The following RSF1 variants were observed in gnomAD, a reference collection of about 807,000 sequenced individuals.
The protein encoded by RSF1 is remodeling and spacing factor 1, also known as HBV pX-associated protein 8.
In RSF1, 13 loss-of-function variants were observed where a neutral mutation model predicts 145.2. The observed-to-expected ratio is 0.09, with a 90% CI of 0.06 to 0.14. The LOEUF (loss-of-function observed/expected upper bound fraction) is 0.14. RSF1 is among the 10% of genes least tolerant of loss of function. The probability of loss-of-function intolerance (pLI) is 1.00; values close to 1 mark genes in which losing one functional copy is unlikely to be tolerated. For synonymous variants in RSF1, 577 were observed against 592.6 expected, an observed-to-expected ratio of 0.97 and a Z score of 0.38; for missense variants, 1,517 against 1,718.2, an observed-to-expected ratio of 0.88 and a Z score of 2.07.
chr11:77,732,099 G>GGGC (rs1346411206), intron 4 of RSF1, among the ~76,000 whole-genome samples: 2 of 152,174 alleles, frequency 1.3e-5, no homozygotes, highest in Non-Finnish European at 2.9e-5. Flanking sequence ...GGCTGTACAG[G>GGGC]GGCGCAGCTG....
intron 1 of RSF1, among the ~76,000 whole-genome samples, chr11:77,812,121 G>A (rs1488716327): frequency 2.0e-5 from 3 of 152,158 alleles, no homozygotes; most frequent in African/African-American, 7.2e-5. Context: ...AGAGGTTGCA[G>A]TCAGCAGAGA....
intron 3 of RSF1, among the ~76,000 whole-genome samples, chr11:77,741,501 G>T (rs994719052): frequency 3.3e-5 from 5 of 151,910 alleles, no homozygotes; most frequent in African/African-American, 4.8e-5. Flanking sequence ...TCTGGCTTGG[G>T]CAACAGAGCA....
Position 77,788,499 on chromosome 11 carries a change from A to T in RSF1, c.188-23810T>A, listed in dbSNP as rs888497256. 9.6e-3 allele frequency among the ~76,000 whole-genome samples: 186 copies of T among 19,286 alleles called. 7 individuals are homozygous for T. The South Asian group carries it at 0.34, about 36-fold the overall frequency. The allele number at this position is 19,286 out of a possible 152,430, so 12.7% of individuals were successfully genotyped here. On this transcript the variant is annotated intron_variant, in intron 1 of 15. Coordinates refer to ENST00000308488, the MANE Select transcript of RSF1 (RefSeq NM_016578.4). ...GATAAAAGGTAGAGAAGACAGGTTA[A>T]AAAAAAAAAAAAAAAGACTAGCGAA...
chr11:77,770,763 A>G (rs149812497), intron 1 of RSF1, among the ~76,000 whole-genome samples: 2 of 152,332 alleles, frequency 1.3e-5, no homozygotes, highest in Admixed American at 6.5e-5. Flanking sequence ...TGAGGTGGTG[A>G]TAAGACCAGC....
At chr11:77,858,859 T>C in the RSF1 span, among the ~76,000 whole-genome samples, 289 of 152,276 alleles carry the variant, frequency 1.9e-3, 4 homozygotes, top group African/African-American at 6.8e-3. Context: ...CGATTTGTAG[T>C]TTTACAGCTT....
the RSF1 span, among the ~76,000 whole-genome samples, chr11:77,829,455 T>C: frequency 2.0e-5 from 3 of 152,198 alleles, no homozygotes; most frequent in Non-Finnish European, 2.9e-5. Context: ...TATAAACCTA[T>C]ACATCTAGAG....
At chr11:77,800,743 T>C (rs555546671) in intron 1 of RSF1, among the ~76,000 whole-genome samples, 2 of 152,054 alleles carry the variant, frequency 1.3e-5, no homozygotes, top group Non-Finnish European at 1.5e-5. Context: ...ACACCTGTAC[T>C]CCCAGCTACA....
intron 5 of RSF1, among the ~76,000 whole-genome samples, chr11:77,725,104 A>C (rs1961022555): frequency 6.6e-6 from 1 of 152,216 alleles, no homozygotes; most frequent in Admixed American, 6.5e-5. Context: ...TTAGTGTTTA[A>C]AACATACAGA....
rs1960141831 is a variant in RSF1, at chr11:77,691,209, C to T, written c.2850G>A (p.Gln950=). ...TTAAGGCAACATCCAAATCCTGCAACTGTTCCTCTAATTTTTCACAGAGCA... is the reference window on the plus strand; with the variant it reads ...TTAAGGCAACATCCAAATCCTGCAATTGTTCCTCTAATTTTTCACAGAGCA... The part of the protein sequence containing the change: ...HKLLCEKLEE[Q]LQDLDVALKK... Residue 950 remains glutamine (Q), a synonymous_variant, in exon 9 of 16, where the codon CAG becomes CAA. Coordinates refer to ENST00000308488, the MANE Select transcript of RSF1 (RefSeq NM_016578.4). The T allele has an allele frequency of 6.2e-7, 1 of 1,614,074 alleles. No homozygotes were observed. Among genetic ancestry groups the T allele is most frequent in the Non-Finnish European group, 8.5e-7 (1 of 1,180,044 alleles).
intron 4 of RSF1, among the ~76,000 whole-genome samples, chr11:77,728,227 A>G (rs966536178): frequency 6.6e-6 from 1 of 152,198 alleles, no homozygotes; most frequent in Non-Finnish European, 1.5e-5. Context: ...TGTGTTCCCC[A>G]TGGCTAATTC....
rs769966245 is a variant in RSF1, at chr11:77,667,380, T to A, written c.3863A>T (p.Glu1288Val). The A allele has an allele frequency of 1.2e-6, 2 of 1,614,076 alleles. No individual in the cohort carries two copies. Among genetic ancestry groups the A allele is most frequent in the Admixed American group, 3.3e-5 (2 of 60,026 alleles). Reference sequence around the variant, plus strand: ...GGATGGTTTGCCTTCCTCTTCCTCCTCCTCCTCATCTGCTTCTGAATACTC... The same window carrying A: ...GGATGGTTTGCCTTCCTCTTCCTCCACCTCCTCATCTGCTTCTGAATACTC... ...TDEYSEADEE[E>V]EEEEGKPSRK... The change falls in exon 16 of 16, where the codon GAG becomes GTG. Residue 1288 changes from glutamate (E) to valine (V), a missense_variant. Physicochemically the swap from Glu to Val is moderately radical, Grantham distance 121. Around this residue, in one of 12 missense-constraint regions of RSF1, gnomAD observed 240 missense variants for 231.8 expected, o/e 1.04. Transcript: ENST00000308488.
intron 1 of RSF1, among the ~76,000 whole-genome samples, chr11:77,817,893 A>G (rs1161919708): frequency 6.6e-6 from 1 of 152,180 alleles, no homozygotes; most frequent in African/African-American, 2.4e-5. Flanking sequence ...AGCTGATAAA[A>G]CGACAGAGGT....
intron 1 of RSF1, 113 bp downstream of exon 1, chr11:77,820,415 G>A (rs1369846426): frequency 1.7e-6 from 2 of 1,143,020 alleles, no homozygotes; most frequent in Non-Finnish European, 2.4e-6. Flanking sequence ...CGTCCCAGGG[G>A]GAAGACAGAG....
Position 77,816,203 on chromosome 11 carries a change from G to A in RSF1, c.187+4325C>T, listed in dbSNP as rs146315296. Among the ~76,000 whole-genome samples the A allele has an allele frequency of 2.8e-3, 430 of 152,312 alleles. 5 individuals carry two copies. Among genetic ancestry groups the A allele is most frequent in the Admixed American group, 3.8e-3 (58 of 15,294 alleles). The stretch of plus-strand genomic sequence containing the variant: ...TGGCCCCAGCAATACTACTATTAAT[G>A]TATGTATGCCCTACCAGTGTCTACC... On this transcript the variant is annotated intron_variant, in intron 1 of 15. Coordinates refer to ENST00000308488, the MANE Select transcript of RSF1 (RefSeq NM_016578.4).
In RSF1 at chr11:77,764,514, T is replaced by G. The variant is rs143519581; in HGVS notation, c.279+84A>C. 2,463 of 788,528 alleles carry G rather than the reference T, an allele frequency of 3.1e-3. 24 individuals are homozygous for G. The highest frequency in any genetic ancestry group is 2.2e-3 in the Non-Finnish European group (1,040 of 477,568). 48.8% of individuals were successfully genotyped at this position (788,528 alleles called of 1,614,324 possible). On this transcript the variant is annotated intron_variant, in intron 2 of 15. Transcript: ENST00000308488. Reference sequence around the variant, plus strand: ...TTACTTTTAGTAAACTAATTAAAAATTATGTGTATTATAAAACATAATATC... The same window carrying G: ...TTACTTTTAGTAAACTAATTAAAAAGTATGTGTATTATAAAACATAATATC...
At position 77,701,597 on chromosome 11, in the gene RSF1, A is replaced by G. The variant is rs1167778957; in HGVS notation, c.1632T>C (p.Ser544=). The G allele has an allele frequency of 6.2e-7, 1 of 1,614,170 alleles. No homozygotes were observed. The part of the protein sequence containing the change: ...PPEMETSLDS[S]EMAKDLSSKT... The stretch of plus-strand genomic sequence containing the variant: ...TTGAAGAGAGATCTTTTGCCATCTC[A>G]GAAGAATCAAGAGAAGTTTCCATTT... The change falls in exon 6 of 16, where the codon TCT becomes TCC. Residue 544 remains serine, a synonymous_variant. Coordinates refer to ENST00000308488, the MANE Select transcript of RSF1 (RefSeq NM_016578.4).
chr11:77,770,805 T>C (rs1245706676), intron 1 of RSF1, among the ~76,000 whole-genome samples: 1 of 152,172 alleles, frequency 6.6e-6, no homozygotes, highest in Non-Finnish European at 1.5e-5. Context: ...TTAAGAGAAA[T>C]GAAACCCTGT....
At chr11:77,713,411 T>C (rs891699245) in intron 5 of RSF1, among the ~76,000 whole-genome samples, 4 of 152,076 alleles carry the variant, frequency 2.6e-5, no homozygotes, top group Non-Finnish European at 4.4e-5. Flanking sequence ...TCAAAAAGAG[T>C]GAAGGCAGTC....
the RSF1 span, among the ~76,000 whole-genome samples, chr11:77,835,414 C>T: frequency 6.6e-6 from 1 of 152,106 alleles, no homozygotes; most frequent in Non-Finnish European, 1.5e-5. Flanking sequence ...ATGTTGACTA[C>T]CTCCAGACTT....
Sources: gnomAD v4.1 joint callset for allele counts (sites outside exome capture counted in the v4.1 genomes callset) on GRCh38, gnomAD v4.1.1 for gene constraint, gnomAD v4.1.1 regional missense constraint, MANE v1.5 for transcripts, NCBI Gene and HGNC (gene_info 2026-07-23, HGNC 2026-07-21) for gene names.